PDE6A: variants seen among roughly 807,000 people sequenced by gnomAD.
PDE6A encodes the protein rod cGMP-specific 3',5'-cyclic phosphodiesterase subunit alpha.
PDE6A carries 84 observed loss-of-function variants against 106.3 expected under a neutral mutation model. The observed-to-expected ratio is 0.79, with a 90% CI of 0.66 to 0.95. PDE6A has a LOEUF of 0.95. PDE6A is among the 40% of genes least tolerant of loss of function. The pLI is 0.00. For missense variants in PDE6A, 1,052 were observed against 1,084.9 expected (o/e 0.97, Z 0.43); for synonymous variants, 394 against 386.6 (o/e 1.02, Z -0.23).
chr5:149,932,011 A>G, intron 3 of PDE6A: 2 of 1,498,214 alleles, frequency 1.3e-6, no homozygotes, highest in African/African-American at 1.4e-5. Context: ...TGTTACCTCT[A>G]GCGGCAAAAC....
At chr5:149,874,535 G>A (rs1445855464) in intron 17 of PDE6A, among the ~76,000 whole-genome samples, 5 of 152,164 alleles carry the variant, frequency 3.3e-5, no homozygotes, top group African/African-American at 1.2e-4. Context: ...AAACCCTGCT[G>A]TTTAGAGGTT....
intron 13 of PDE6A, among the ~76,000 whole-genome samples, chr5:149,887,929 G>A (rs1237565134): frequency 2.0e-5 from 3 of 152,140 alleles, no homozygotes; most frequent in Non-Finnish European, 4.4e-5. Flanking sequence ...ATTTTATGCT[G>A]GGCGTAAAGC....
chr5:149,900,486 C>T (rs536015301), intron 8 of PDE6A, among the ~76,000 whole-genome samples: 1 of 149,816 alleles, frequency 6.7e-6, no homozygotes, highest in South Asian at 2.1e-4. Context: ...TCAGGTTGCT[C>T]ATAATCTGTA....
intron 13 of PDE6A, among the ~76,000 whole-genome samples, chr5:149,888,281 T>A (rs1257081414): frequency 1.3e-5 from 2 of 152,152 alleles, no homozygotes; most frequent in Non-Finnish European, 2.9e-5. Context: ...GGGAACTACA[T>A]GCTTCTAGAA....
intron 3 of PDE6A, 25 bp from the exon 4 acceptor site, chr5:149,931,193 A>C: frequency 1.2e-6 from 2 of 1,613,664 alleles, no homozygotes; most frequent in Middle Eastern, 1.6e-4. Context: ...AAACATATTC[A>C]TAGGTTTTGA....
At chr5:149,882,776 G>A (rs562291305) in intron 17 of PDE6A, among the ~76,000 whole-genome samples, 1 of 152,092 alleles carries the variant, frequency 6.6e-6, no homozygotes, top group East Asian at 1.9e-4. Context: ...CTTTAATTCG[G>A]GCCGGGCATG....
chr5:149,899,334 C>T (rs1338793358), intron 9 of PDE6A, 41 bp downstream of exon 9: 6 of 1,611,564 alleles, frequency 3.7e-6, no homozygotes, highest in Non-Finnish European at 5.1e-6. Flanking sequence ...AGCAAGCTGA[C>T]TCTGAATCCC....
intron 20 of PDE6A, among the ~76,000 whole-genome samples, chr5:149,865,958 G>GCAACTAA (rs1581147091): frequency 6.6e-6 from 1 of 152,178 alleles, no homozygotes; most frequent in East Asian, 1.9e-4. Flanking sequence ...TATGTATTAA[G>GCAACTAA]CAACTAGGAT....
chr5:149,920,426 C>T (rs181529274), intron 5 of PDE6A, among the ~76,000 whole-genome samples: 22 of 152,110 alleles, frequency 1.4e-4, no homozygotes, highest in Non-Finnish European at 2.8e-4. Flanking sequence ...ACTAAAAATA[C>T]GAAAATTAGC....
In PDE6A at chr5:149,858,018, A is replaced by G. The variant is rs1398127821; in HGVS notation, c.*2877T>C. 1.3e-5 allele frequency: 2 copies of G among 152,238 alleles called. No homozygotes were observed. The highest frequency in any genetic ancestry group is 3.8e-4 in the East Asian group (2 of 5,196). The allele number at this position is 152,238 out of a possible 1,614,324, so 9.4% of individuals were successfully genotyped here. ...ATGTGTTACATGCGGCCACAAAGAA[A>G]CAAACAGATAAATACAGAATGTGGG... On this transcript the variant is annotated 3_prime_UTR_variant, in exon 22 of 22. Transcript: ENST00000255266.
intron 17 of PDE6A, among the ~76,000 whole-genome samples, chr5:149,870,841 A>G (rs114017990): frequency 0.018 from 2,708 of 150,290 alleles, 98 homozygotes; most frequent in African/African-American, 0.064. Context: ...GTCCAAGGTG[A>G]AAAAAGAAGA....
chr5:149,932,509 CT>C, intron 3 of PDE6A: 1 of 1,363,102 alleles, frequency 7.3e-7, no homozygotes, highest in Non-Finnish European at 1.1e-6. Context: ...CTCTCTGGAA[CT>C]TGCATTATTA....
rs1276976851 is a variant in PDE6A at position 149,863,473 on chromosome 5, T to G, written c.2359-207A>C. 6.6e-6 allele frequency among the ~76,000 whole-genome samples: 1 copy of G among 152,154 alleles called. No homozygotes were observed. The highest frequency in any genetic ancestry group is 1.5e-5 in the Non-Finnish European group (1 of 68,022). ...AAGCCTCCTGTGGCGCCCCTGTCCT[T>G]CAGCATGAAGTGAAAACCCCTTACT... On this transcript the variant is annotated intron_variant, in intron 20 of 21. Coordinates refer to ENST00000255266, the MANE Select transcript of PDE6A (RefSeq NM_000440.3). This position sits in a 1 kb window ranked among gnomAD's most constrained non-coding sequence, Gnocchi z 4.7.
In PDE6A at chr5:149,933,924, C is replaced by A. The variant is rs1754115081; in HGVS notation, c.717+6G>T. 6.2e-7 allele frequency: 1 copy of A among 1,609,136 alleles called. No homozygotes were observed. Among genetic ancestry groups the A allele is most frequent in the Non-Finnish European group, 8.5e-7 (1 of 1,176,004 alleles). ...CAAGTCCATTCCCTTGGCCCAAGCC[C>A]CTTACCTGGCCACGTCGAGTTTCAC... On this transcript the variant is annotated splice_donor_region_variant and intron_variant, in intron 3 of 21. Transcript: ENST00000255266.
At chr5:149,892,335 A>G (rs1752575453) in intron 13 of PDE6A, among the ~76,000 whole-genome samples, 1 of 152,100 alleles carries the variant, frequency 6.6e-6, no homozygotes, top group Admixed American at 6.5e-5. Context: ...ACTTAAAAAA[A>G]TGTTTTTCCC....
chr5:149,900,223 G>A (rs887671839), intron 8 of PDE6A, among the ~76,000 whole-genome samples: 4 of 151,620 alleles, frequency 2.6e-5, no homozygotes, highest in South Asian at 2.1e-4. Flanking sequence ...TTAGCCGGAT[G>A]TGGCGGCATG....
chr5:149,899,642 G>T, intron 8 of PDE6A, 118 bp from the exon 9 acceptor site: 1 of 979,170 alleles, frequency 1.0e-6, no homozygotes, highest in Non-Finnish European at 1.6e-6. Flanking sequence ...AGAGGATGGA[G>T]TTCATTGGAT....
chr5:149,862,812 T>C (rs1760190740), intron 21 of PDE6A, among the ~76,000 whole-genome samples: 1 of 152,176 alleles, frequency 6.6e-6, no homozygotes, highest in Non-Finnish European at 1.5e-5. Context: ...ATAGATCTTC[T>C]CCTTTGTCCC....
chr5:149,922,945 T>C (rs988091603), intron 4 of PDE6A, among the ~76,000 whole-genome samples: 3 of 152,162 alleles, frequency 2.0e-5, no homozygotes, highest in African/African-American at 7.2e-5. Context: ...CAAAACCCAA[T>C]TTAGGAGTAT....
Sources: allele counts gnomAD v4.1 joint callset (sites outside exome capture counted in the v4.1 genomes callset), GRCh38; gene constraint gnomAD v4.1.1; non-coding constraint Gnocchi (gnomAD v3.1); transcripts MANE v1.5; gene names NCBI Gene and HGNC (gene_info 2026-07-23, HGNC 2026-07-21).